The following LDB2 variants were observed in gnomAD, a reference collection of about 807,000 sequenced individuals.
The protein encoded by LDB2 is LIM domain-binding protein 2.
In LDB2, 12 loss-of-function variants were observed where a neutral mutation model predicts 44.3. The ratio of observed to expected loss-of-function variants is 0.27; its 90% confidence interval spans 0.17 to 0.44. LDB2 has a LOEUF of 0.44. Among genes scored for constraint, LDB2 ranks in the 20% least tolerant of loss-of-function variants. The pLI is 1.00. For missense variants in LDB2, 344 were observed against 473.5 expected (o/e 0.73, Z 2.54); for synonymous variants, 164 against 174.8 (o/e 0.94, Z 0.49).
At chr4:16,689,780 A>T (rs1185578482) in intron 2 of LDB2, among the ~76,000 whole-genome samples, 1 of 152,212 alleles carries the variant, frequency 6.6e-6, no homozygotes. Context: ...GTGAATAATG[A>T]TGCATTCTGG....
intron 2 of LDB2, among the ~76,000 whole-genome samples, chr4:16,656,306 T>G (rs1172266288): frequency 6.6e-6 from 1 of 152,200 alleles, no homozygotes; most frequent in Non-Finnish European, 1.5e-5. Flanking sequence ...GATATTTGGG[T>G]TCTGAGTACC....
At chr4:16,681,646 C>A (rs1480914829) in intron 2 of LDB2, among the ~76,000 whole-genome samples, 2 of 47,720 alleles carry the variant, frequency 4.2e-5, no homozygotes, top group East Asian at 9.9e-4. Context: ...TTTTTTTTTG[C>A]GACAGAGTCT....
At chr4:16,879,045 C>A (rs1363714084) in intron 1 of LDB2, among the ~76,000 whole-genome samples, 1 of 151,902 alleles carries the variant, frequency 6.6e-6, no homozygotes, top group Non-Finnish European at 1.5e-5. Flanking sequence ...AGCCCCCTTA[C>A]TTGATTGTAA....
chr4:16,592,159 C>T (rs1034279057), intron 3 of LDB2, among the ~76,000 whole-genome samples: 1 of 152,102 alleles, frequency 6.6e-6, no homozygotes, highest in African/African-American at 2.4e-5. Flanking sequence ...GAGACTAGGC[C>T]AGGAACAAGA....
intron 1 of LDB2, among the ~76,000 whole-genome samples, chr4:16,814,023 C>T (rs976535066): frequency 6.6e-6 from 1 of 152,032 alleles, no homozygotes; most frequent in African/African-American, 2.4e-5. Context: ...AGGCGCCCAC[C>T]ACCACGCCTG....
chr4:16,887,675 C>T (rs1384606), intron 1 of LDB2, among the ~76,000 whole-genome samples: 49,841 of 151,416 alleles, frequency 0.33, 8,354 homozygotes, highest in Admixed American at 0.38. Flanking sequence ...GTTTAACACA[C>T]CCTAACTCCT....
At chr4:16,509,103 C>T (rs1363306514) in intron 6 of LDB2, among the ~76,000 whole-genome samples, 1 of 152,184 alleles carries the variant, frequency 6.6e-6, no homozygotes, top group Non-Finnish European at 1.5e-5. Context: ...GGGTAACTAA[C>T]TCCAAGGTAC....
intron 5 of LDB2, among the ~76,000 whole-genome samples, chr4:16,532,856 A>C (rs1335064402): frequency 1.3e-5 from 2 of 152,118 alleles, no homozygotes; most frequent in Non-Finnish European, 2.9e-5. Flanking sequence ...ATTTGCTTCA[A>C]GGAATTTCTA....
intron 2 of LDB2, among the ~76,000 whole-genome samples, chr4:16,678,666 T>C (rs1165132376): frequency 1.3e-5 from 2 of 152,176 alleles, no homozygotes; most frequent in African/African-American, 2.4e-5. Context: ...TCTCTCTTCT[T>C]TGGGAGAGAA....
At chr4:16,702,395 A>T (rs1326410578) in intron 2 of LDB2, among the ~76,000 whole-genome samples, 2 of 151,672 alleles carry the variant, frequency 1.3e-5, no homozygotes, top group African/African-American at 2.4e-5. Context: ...TTCCCCTCCC[A>T]CTCCCCTAAC....
chr4:16,782,509 C>A (rs1773510636), intron 1 of LDB2, among the ~76,000 whole-genome samples: 1 of 152,080 alleles, frequency 6.6e-6, no homozygotes, highest in Non-Finnish European at 1.5e-5. Context: ...TGCCACCACA[C>A]CCAGCTAAGT....
chr4:16,887,300 C>T (rs1036472176), intron 1 of LDB2, among the ~76,000 whole-genome samples: 1 of 151,950 alleles, frequency 6.6e-6, no homozygotes, highest in Non-Finnish European at 1.5e-5. Context: ...CCAAGTTAGC[C>T]CCGCTTGGGT....
chr4:16,748,860 G>C (rs150292684), intron 2 of LDB2, among the ~76,000 whole-genome samples: 1 of 152,154 alleles, frequency 6.6e-6, no homozygotes, highest in Non-Finnish European at 1.5e-5. Flanking sequence ...TTTATAAACA[G>C]AGGCAGAGGG....
intron 1 of LDB2, among the ~76,000 whole-genome samples, chr4:16,879,450 T>G (rs747353024): frequency 2.6e-5 from 4 of 152,140 alleles, no homozygotes; most frequent in Non-Finnish European, 5.9e-5. Context: ...CACACAGCCC[T>G]CCCCAGTGGG....
At chr4:16,596,861 C>T (rs1721090018) in intron 2 of LDB2, among the ~76,000 whole-genome samples, 1 of 152,150 alleles carries the variant, frequency 6.6e-6, no homozygotes, top group Non-Finnish European at 1.5e-5. Flanking sequence ...AATCCTCTTA[C>T]ACTGGAAATC....
chr4:16,847,041 C>T (rs1237673763), intron 1 of LDB2, among the ~76,000 whole-genome samples: 1 of 152,166 alleles, frequency 6.6e-6, no homozygotes, highest in Non-Finnish European at 1.5e-5. Context: ...TCATTTCATT[C>T]TCTTTTCAAT....
intron 5 of LDB2, among the ~76,000 whole-genome samples, chr4:16,531,241 G>A (rs926291821): frequency 2.0e-5 from 3 of 152,192 alleles, no homozygotes; most frequent in African/African-American, 7.2e-5. Flanking sequence ...CTGATACCAA[G>A]GCTGATTAAA....
intron 2 of LDB2, among the ~76,000 whole-genome samples, chr4:16,633,204 C>A (rs1732519789): frequency 6.6e-6 from 1 of 152,044 alleles, no homozygotes; most frequent in Non-Finnish European, 1.5e-5. Flanking sequence ...ACCAAACACT[C>A]CATGTTCTCA....
chr4:16,753,684 G>A (rs1194493426), intron 2 of LDB2, among the ~76,000 whole-genome samples: 2 of 152,156 alleles, frequency 1.3e-5, no homozygotes, highest in Non-Finnish European at 2.9e-5. Context: ...GGCTAGTGTG[G>A]CCATGAATGT....
Sources: allele counts gnomAD v4.1 joint callset (sites outside exome capture counted in the v4.1 genomes callset), GRCh38; gene constraint gnomAD v4.1.1; transcripts MANE v1.5; gene names NCBI Gene and HGNC (gene_info 2026-07-23, HGNC 2026-07-21).